The following NAALADL2 variants were observed in gnomAD, a reference collection of about 807,000 sequenced individuals.
The protein encoded by NAALADL2 is N-acetylated alpha-linked acidic dipeptidase like 2, also known as inactive N-acetylated-alpha-linked acidic dipeptidase-like protein 2.
A neutral mutation model predicts 87.2 loss-of-function variants in NAALADL2; 76 were observed. The observed-to-expected ratio is 0.87, with a 90% CI of 0.72 to 1.05. NAALADL2 has a LOEUF of 1.05. Ranked by LOEUF, NAALADL2 falls within the 50% of genes least tolerant of loss-of-function variation. NAALADL2 has a pLI of 0.00. For missense variants in NAALADL2, 1,089 were observed against 945.8 expected, an observed-to-expected ratio of 1.15 and a Z score of -1.99; for synonymous variants, 354 against 331.0, an observed-to-expected ratio of 1.07 and a Z score of -0.75.
chr3:175,505,219 C>A (rs933787687), intron 9 of NAALADL2, among the ~76,000 whole-genome samples: 2 of 151,416 alleles, frequency 1.3e-5, no homozygotes, highest in East Asian at 1.9e-4. Context: ...GAGCTATGAT[C>A]CTGCCACTGC....
intron 4 of NAALADL2, among the ~76,000 whole-genome samples, chr3:175,308,655 G>A (rs1337871063): frequency 1.3e-5 from 2 of 152,074 alleles, no homozygotes; most frequent in African/African-American, 4.8e-5. Flanking sequence ...TATACATGTG[G>A]GCAATTTATT....
chr3:175,315,369 A>G (rs555941558), intron 4 of NAALADL2, among the ~76,000 whole-genome samples: 286 of 152,310 alleles, frequency 1.9e-3, no homozygotes, highest in African/African-American at 6.6e-3. Context: ...CCCTGTATTC[A>G]TTGAAAATGT....
In NAALADL2 at chr3:175,805,827, ATAC is replaced by A. The variant is rs1252231369; in HGVS notation, c.*2626_*2628del. Reference sequence around the variant, plus strand: ...TATGTTCAGGCAGGGTACACATGAGATACTGCCCTTTATGGAAAAGCATAAGTC... The same window carrying A: ...TATGTTCAGGCAGGGTACACATGAGATGCCCTTTATGGAAAAGCATAAGTC... On this transcript the variant is annotated 3_prime_UTR_variant, in exon 14 of 14. Coordinates refer to ENST00000454872, the MANE Select transcript of NAALADL2 (RefSeq NM_207015.3). The A allele has an allele frequency of 6.6e-6, 1 of 151,908 alleles. No individual in the cohort carries two copies. Among genetic ancestry groups the A allele is most frequent in the Non-Finnish European group, 1.5e-5 (1 of 67,898 alleles). 9.4% of individuals were successfully genotyped at this position (151,908 alleles called of 1,614,324 possible).
intron 11 of NAALADL2, among the ~76,000 whole-genome samples, chr3:175,651,648 T>C (rs1341791712): frequency 1.3e-5 from 2 of 152,336 alleles, no homozygotes; most frequent in Admixed American, 1.3e-4. Context: ...TATTTTAAGG[T>C]ATGAAATTAT....
intron 13 of NAALADL2, among the ~76,000 whole-genome samples, chr3:175,783,591 G>A (rs551881583): frequency 6.6e-6 from 1 of 152,018 alleles, no homozygotes; most frequent in South Asian, 2.1e-4. Context: ...ATCAGCTTAA[G>A]GAGATTTTGG....
At position 174,676,768 on chromosome 3, in the gene NAALADL2, C is replaced by T. The variant is rs150278863; in HGVS notation, c.-114-60873C>T. Among the ~76,000 whole-genome samples, 1,342 of 151,750 alleles carry T rather than the reference C, an allele frequency of 8.8e-3. 14 individuals are homozygous for T. Among genetic ancestry groups the T allele is most frequent in the African/African-American group, 0.031 (1,268 of 41,442 alleles). On this transcript the variant is annotated intron_variant, in intron 2 of 3. Coordinates refer to the NAALADL2 transcript ENST00000434257. Reference sequence around the variant, plus strand: ...GGTCTTTATTAAGTAACATTTACCTCGAGTTAATAATTCTCAGATTTGCAT... The same window carrying T: ...GGTCTTTATTAAGTAACATTTACCTTGAGTTAATAATTCTCAGATTTGCAT...
intron 11 of NAALADL2, among the ~76,000 whole-genome samples, chr3:175,642,355 A>G (rs1459689614): frequency 6.6e-6 from 1 of 152,190 alleles, no homozygotes; most frequent in Non-Finnish European, 1.5e-5. Flanking sequence ...TTTCTTGATT[A>G]CTCAAGATGT....
At chr3:175,611,691 C>T (rs1724675975) in intron 10 of NAALADL2, among the ~76,000 whole-genome samples, 2 of 152,030 alleles carry the variant, frequency 1.3e-5, no homozygotes, top group Non-Finnish European at 2.9e-5. Flanking sequence ...CAGAAATCAA[C>T]TAAAAGCATA....
intron 11 of NAALADL2, among the ~76,000 whole-genome samples, chr3:175,732,953 C>T (rs766177313): frequency 3.3e-5 from 5 of 152,004 alleles, no homozygotes; most frequent in East Asian, 1.9e-4. Flanking sequence ...AGCTAATGCA[C>T]GCAGGGCTTA....
chr3:174,908,193 G>A (rs573740438), intron 1 of NAALADL2, among the ~76,000 whole-genome samples: 136 of 151,938 alleles, frequency 9.0e-4, no homozygotes, highest in Non-Finnish European at 1.8e-3. Flanking sequence ...TAAATGCCAG[G>A]AAGTCAGTTA....
chr3:174,942,019 A>G (rs1180087585), intron 1 of NAALADL2, among the ~76,000 whole-genome samples: 1 of 151,880 alleles, frequency 6.6e-6, no homozygotes, highest in East Asian at 1.9e-4. Context: ...TAGTATTGTT[A>G]TATGTGGATT....
At chr3:175,340,370 A>C (rs1311903937) in intron 5 of NAALADL2, among the ~76,000 whole-genome samples, 1 of 152,142 alleles carries the variant, frequency 6.6e-6, no homozygotes, top group Non-Finnish European at 1.5e-5. Flanking sequence ...ATCAGGATGG[A>C]AAACAAGGAC....
intron 11 of NAALADL2, among the ~76,000 whole-genome samples, chr3:175,644,523 A>G (rs1240828390): frequency 6.6e-6 from 1 of 151,888 alleles, no homozygotes; most frequent in Non-Finnish European, 1.5e-5. Flanking sequence ...TGGTTATGCA[A>G]TAAAGCTACA....
intron 9 of NAALADL2, among the ~76,000 whole-genome samples, chr3:175,570,034 A>G (rs1052546838): frequency 6.6e-6 from 1 of 152,158 alleles, no homozygotes; most frequent in African/African-American, 2.4e-5. Flanking sequence ...AAGAGAGACA[A>G]TAGTGTAGTG....
intron 3 of NAALADL2, among the ~76,000 whole-genome samples, chr3:174,840,599 C>A (rs1723917625): frequency 6.6e-6 from 1 of 152,072 alleles, no homozygotes; most frequent in African/African-American, 2.4e-5. Flanking sequence ...GTTGTGAGCT[C>A]CTCATTGCCC....
At chr3:175,366,856 T>C (rs913818558) in intron 5 of NAALADL2, among the ~76,000 whole-genome samples, 2 of 151,946 alleles carry the variant, frequency 1.3e-5, no homozygotes, top group Non-Finnish European at 2.9e-5. Flanking sequence ...AGAAGCTCTT[T>C]AGTATAATTA....
chr3:174,938,144 A>G (rs1280443659), intron 1 of NAALADL2, among the ~76,000 whole-genome samples: 1 of 151,936 alleles, frequency 6.6e-6, no homozygotes, highest in African/African-American at 2.4e-5. Flanking sequence ...TCAGTTTGCA[A>G]TAGTTACCTT....
intron 1 of NAALADL2, among the ~76,000 whole-genome samples, chr3:174,444,847 C>T (rs1236778037): frequency 6.6e-6 from 1 of 152,068 alleles, no homozygotes. Context: ...ATGTGAAAAA[C>T]AGCGATTGGC....
intron 1 of NAALADL2, among the ~76,000 whole-genome samples, chr3:174,866,525 A>G (rs1727165391): frequency 6.6e-6 from 1 of 151,864 alleles, no homozygotes; most frequent in African/African-American, 2.4e-5. Flanking sequence ...ATAAAAATAG[A>G]TTCTTTTAAA....
Sources: gnomAD v4.1 joint callset for allele counts (sites outside exome capture counted in the v4.1 genomes callset) on GRCh38, gnomAD v4.1.1 for gene constraint, MANE v1.5 for transcripts, NCBI Gene and HGNC (gene_info 2026-07-23, HGNC 2026-07-21) for gene names.